Variants in ASTN2 observed in about 807,000 individuals in gnomAD.
ASTN2 encodes the protein astrotactin 2, also known as astrotactin-2.
In ASTN2, 54 loss-of-function variants were observed where a neutral mutation model predicts 139.8. The observed-to-expected ratio is 0.39, with a 90% CI of 0.31 to 0.48. ASTN2 has a LOEUF of 0.48. ASTN2 is among the 20% of genes least tolerant of loss of function. The pLI is 0.95. For synonymous variants in ASTN2, 756 were observed against 719.5 expected (o/e 1.05, Z -0.81); for missense variants, 1,565 against 1,725.1 (o/e 0.91, Z 1.64).
intron 1 of ASTN2, among the ~76,000 whole-genome samples, chr9:117,342,648 C>T (rs373560111): frequency 5.9e-5 from 9 of 152,158 alleles, no homozygotes; most frequent in African/African-American, 2.2e-4. Context: ...GGCTTCTTCA[C>T]CTACAAAATG....
intron 3 of ASTN2, among the ~76,000 whole-genome samples, chr9:117,213,516 A>G (rs1832210303): frequency 6.6e-6 from 1 of 152,218 alleles, no homozygotes; most frequent in South Asian, 2.1e-4. Context: ...TGATCTGATC[A>G]CCATATATCA....
chr9:117,192,197 C>T (rs990195422), intron 3 of ASTN2, among the ~76,000 whole-genome samples: 1 of 152,036 alleles, frequency 6.6e-6, no homozygotes, highest in African/African-American at 2.4e-5. Context: ...CTTTGCAGAG[C>T]CTAGGCATTT....
chr9:117,411,438 AG>A (rs1831157627), intron 1 of ASTN2, among the ~76,000 whole-genome samples: 1 of 139,376 alleles, frequency 7.2e-6, no homozygotes, highest in Non-Finnish European at 1.5e-5. Flanking sequence ...CAAAAAGGAA[AG>A]GATCTGCAAA....
rs145902228 is a variant in ASTN2, at chr9:117,238,183, C to T, written c.631-23441G>A. Among the ~76,000 whole-genome samples the T allele has an allele frequency of 6.6e-5, 10 of 152,284 alleles. No individual in the cohort carries two copies. The East Asian group carries it at 1.7e-3, about 27-fold the overall frequency. On this transcript the variant is annotated intron_variant, in intron 2 of 22. Coordinates refer to ENST00000313400, the MANE Select transcript of ASTN2 (RefSeq NM_001365068.1). ...GGGCAAAGACCCACTTGTGGAGGCT[C>T]AGGCTTTCCTGAGCTCTGTGCACTG...
chr9:117,089,952 A>G (rs984964106), intron 5 of ASTN2, among the ~76,000 whole-genome samples: 2 of 152,190 alleles, frequency 1.3e-5, no homozygotes, highest in African/African-American at 4.8e-5. Context: ...ATAGACTTAG[A>G]CAGAATGATC....
chr9:117,034,939 C>T (rs1174792725), intron 6 of ASTN2, among the ~76,000 whole-genome samples: 2 of 152,272 alleles, frequency 1.3e-5, no homozygotes, highest in East Asian at 3.9e-4. Flanking sequence ...GTCATAATGA[C>T]CTTTTCTTTA....
chr9:116,791,246 C>T (rs927352838), intron 13 of ASTN2, among the ~76,000 whole-genome samples: 18 of 152,212 alleles, frequency 1.2e-4, no homozygotes, highest in African/African-American at 4.1e-4. Context: ...AAAGCCAGGG[C>T]TAGAACTTCT....
At chr9:117,178,163 C>A (rs1415355346) in intron 3 of ASTN2, among the ~76,000 whole-genome samples, 2 of 152,190 alleles carry the variant, frequency 1.3e-5, no homozygotes, top group African/African-American at 2.4e-5. Flanking sequence ...TTTATTCTCT[C>A]TACTCCATCT....
chr9:116,688,156 T>C (rs948922278), intron 16 of ASTN2, among the ~76,000 whole-genome samples: 10 of 151,626 alleles, frequency 6.6e-5, no homozygotes, highest in Admixed American at 5.3e-4. Context: ...GATTTGGAAA[T>C]AGGGATTAAA....
chr9:117,323,404 C>A (rs577569837), intron 1 of ASTN2, among the ~76,000 whole-genome samples: 5 of 152,172 alleles, frequency 3.3e-5, no homozygotes, highest in African/African-American at 1.2e-4. Flanking sequence ...TACCCAACGT[C>A]TGGAATTAAC....
chr9:117,117,607 AGAG>A (rs1368426778), intron 4 of ASTN2, among the ~76,000 whole-genome samples: 1 of 152,202 alleles, frequency 6.6e-6, no homozygotes, highest in Non-Finnish European at 1.5e-5. Flanking sequence ...GAATAAATCA[AGAG>A]GAGTTCTCAT....
intron 16 of ASTN2, among the ~76,000 whole-genome samples, chr9:116,664,114 T>C (rs892576966): frequency 6.6e-6 from 1 of 152,282 alleles, no homozygotes; most frequent in South Asian, 2.1e-4. Context: ...GTTGAAAAAC[T>C]ATGAAGCATC....
chr9:116,587,984 G>T (rs1047516562), intron 19 of ASTN2, among the ~76,000 whole-genome samples: 2 of 152,098 alleles, frequency 1.3e-5, no homozygotes, highest in Admixed American at 6.5e-5. Flanking sequence ...TCTGTGAAAA[G>T]GTTACCAGTA....
intron 19 of ASTN2, among the ~76,000 whole-genome samples, chr9:116,553,861 A>C (rs1276506425): frequency 6.6e-6 from 1 of 152,226 alleles, no homozygotes; most frequent in Admixed American, 6.5e-5. Context: ...AAGTTTTAGA[A>C]AACTGCTATG....
At chr9:116,572,822 G>A (rs1349306783) in intron 19 of ASTN2, among the ~76,000 whole-genome samples, 1 of 152,162 alleles carries the variant, frequency 6.6e-6, no homozygotes, top group Non-Finnish European at 1.5e-5. Context: ...CCAGAAAGAG[G>A]GAGGACTGAA....
At chr9:116,970,207 C>T (rs140664279) in intron 10 of ASTN2, among the ~76,000 whole-genome samples, 78 of 152,260 alleles carry the variant, frequency 5.1e-4, no homozygotes, top group Non-Finnish European at 8.5e-4. Flanking sequence ...ATAACATCTG[C>T]AAAGACCCCT....
At chr9:116,553,533 A>C (rs1420757471) in intron 19 of ASTN2, among the ~76,000 whole-genome samples, 1 of 152,210 alleles carries the variant, frequency 6.6e-6, no homozygotes, top group Non-Finnish European at 1.5e-5. Context: ...CAAATGTGAG[A>C]AAAATATTCC....
chr9:116,692,446 T>C (rs776139143), intron 16 of ASTN2, among the ~76,000 whole-genome samples: 1 of 152,222 alleles, frequency 6.6e-6, no homozygotes, highest in Non-Finnish European at 1.5e-5. Context: ...CATGCCTGGC[T>C]TGGTACTGTA....
intron 3 of ASTN2, among the ~76,000 whole-genome samples, chr9:117,188,569 A>G (rs1364271501): frequency 6.6e-6 from 1 of 152,116 alleles, no homozygotes; most frequent in Non-Finnish European, 1.5e-5. Context: ...CCGAGGAAAC[A>G]TCGTAGCTGG....
Sources: gnomAD v4.1 joint callset for allele counts (sites outside exome capture counted in the v4.1 genomes callset) on GRCh38, gnomAD v4.1.1 for gene constraint, MANE v1.5 for transcripts, NCBI Gene and HGNC (gene_info 2026-07-23, HGNC 2026-07-21) for gene names.